The following SECISBP2L variants were observed in gnomAD, a reference collection of about 807,000 sequenced individuals.
SECISBP2L encodes selenocysteine insertion sequence-binding protein 2-like.
SECISBP2L carries 43 observed loss-of-function variants against 114.7 expected under a neutral mutation model. The observed-to-expected ratio is 0.38, with a 90% CI of 0.29 to 0.48. SECISBP2L has a LOEUF of 0.48. Among genes scored for constraint, SECISBP2L ranks in the 20% least tolerant of loss-of-function variants. The pLI is 0.98. For synonymous variants in SECISBP2L, 451 were observed against 439.7 expected (o/e 1.03, Z -0.32); for missense variants, 1,136 against 1,301.1 (o/e 0.87, Z 1.95).
rs1353645703 is a variant in SECISBP2L, at chr15:48,990,859, G to A, written c.*1385C>T. On this transcript the variant is annotated 3_prime_UTR_variant, in exon 18 of 18. Transcript: ENST00000559471. ...GTGTGCATGTGTGTGAGGGGGGTGG[G>A]GGGGACAGTTGGGGGTGGTGGGGAG... is the stretch of plus-strand genomic sequence containing the variant. 1 of 143,896 alleles carries A rather than the reference G, an allele frequency of 6.9e-6. No individual in the cohort carries two copies. Among genetic ancestry groups the A allele is most frequent in the Admixed American group, 7.0e-5 (1 of 14,348 alleles). The allele number at this position is 143,896 out of a possible 1,614,324, so 8.9% of individuals were successfully genotyped here.
chr15:49,015,525 A>G (rs1902519161), intron 11 of SECISBP2L, among the ~76,000 whole-genome samples: 1 of 152,162 alleles, frequency 6.6e-6, no homozygotes, highest in African/African-American at 2.4e-5. Flanking sequence ...AAGAAACACA[A>G]AATTCAATTT....
intron 17 of SECISBP2L, among the ~76,000 whole-genome samples, chr15:48,993,743 T>G (rs575269462): frequency 3.0e-4 from 45 of 151,960 alleles, no homozygotes; most frequent in African/African-American, 1.0e-3. Context: ...AAAAAAAGTA[T>G]TATATACTAC....
In SECISBP2L at chr15:49,016,902, G is replaced by A. The variant is rs1902547879; in HGVS notation, c.1365C>T (p.Ala455=). 6.2e-7 allele frequency: 1 copy of A among 1,613,894 alleles called. No homozygotes were observed. Among genetic ancestry groups the A allele is most frequent in the Non-Finnish European group, 8.5e-7 (1 of 1,179,974 alleles). Residue 455 remains alanine (A), a synonymous_variant, in exon 10 of 18, where the codon GCC becomes GCT. Transcript: ENST00000559471. ...CTGAATACTCTTGAGCTGTGGCAAG[G>A]GCTGCTGCTAAAGCTTTCTTCTTCT... ...KSQKKKALAA[A]LATAQEYSEI...
At chr15:49,035,212 A>T in intron 3 of SECISBP2L, 122 bp downstream of exon 3, 1 of 801,324 alleles carries the variant, frequency 1.2e-6, no homozygotes, top group Non-Finnish European at 1.9e-6. Context: ...ACCATTTTAC[A>T]ATAGTGAACA....
Position 49,046,408 on chromosome 15 carries a change from CT to C in SECISBP2L, c.-110del, listed in dbSNP as rs1757161326. 8.1e-7 allele frequency: 1 copy of C among 1,234,530 alleles called. No homozygotes were observed. Among genetic ancestry groups the C allele is most frequent in the East Asian group, 3.2e-5 (1 of 31,662 alleles). The allele number at this position is 1,234,530 out of a possible 1,614,324, so 76.5% of individuals were successfully genotyped here. On this transcript the variant is annotated 5_prime_UTR_variant, in exon 1 of 18. It adds an upstream start codon to the 5' untranslated region. Transcript: ENST00000559471. The stretch of plus-strand genomic sequence containing the variant: ...CAGACTGGGTTCCGGACCTCCGCCC[CT>C]ATCTGGCTGGCCGCGACACCGATTC...
Position 49,033,234 on chromosome 15 carries a change from G to A in SECISBP2L, c.529-134C>T, listed in dbSNP as rs1902935286. ...TATGTTCACAATTCTTGGCTTCCAT[G>A]GGGAAATAGTACTAGGGTTTCATGA... is the stretch of plus-strand genomic sequence containing the variant. On this transcript the variant is annotated intron_variant, in intron 3 of 17. Transcript: ENST00000559471. The A allele has an allele frequency of 1.4e-5, 15 of 1,058,130 alleles. 1 individual carries two copies. The East Asian group carries it at 3.4e-4, about 24-fold the overall frequency. The allele number at this position is 1,058,130 out of a possible 1,614,324, so 65.5% of individuals were successfully genotyped here.
intron 1 of SECISBP2L, among the ~76,000 whole-genome samples, chr15:49,040,531 T>A (rs1253617613): frequency 8.4e-6 from 1 of 119,672 alleles, no homozygotes; most frequent in Non-Finnish European, 1.8e-5. Context: ...ACTATTCTTT[T>A]TTTTTTTTTT....
At chr15:49,000,178 T>C (rs1902172922) in intron 15 of SECISBP2L, among the ~76,000 whole-genome samples, 191 bp from the exon 16 acceptor site, 1 of 152,216 alleles carries the variant, frequency 6.6e-6, no homozygotes, top group African/African-American at 2.4e-5. Flanking sequence ...CTTTCTCCCC[T>C]ATTAAATTCC....
chr15:48,995,701 A>C (rs1436888755), intron 17 of SECISBP2L, among the ~76,000 whole-genome samples: 1 of 152,336 alleles, frequency 6.6e-6, no homozygotes, highest in East Asian at 1.9e-4. Flanking sequence ...TATAGAAATA[A>C]GGCAAAGAAA....
chr15:49,002,122 G>A (rs898126507), intron 14 of SECISBP2L, among the ~76,000 whole-genome samples: 1 of 152,076 alleles, frequency 6.6e-6, no homozygotes, highest in South Asian at 2.1e-4. Context: ...CCAGTGTCTC[G>A]TTTCCTGACT....
chr15:49,007,084 G>A (rs957215209), intron 14 of SECISBP2L, among the ~76,000 whole-genome samples: 5 of 152,276 alleles, frequency 3.3e-5, no homozygotes, highest in Admixed American at 2.0e-4. Flanking sequence ...GTTTGCTGGA[G>A]GTCCACTCCA....
intron 13 of SECISBP2L, among the ~76,000 whole-genome samples, chr15:49,010,048 G>T (rs958907575): frequency 6.6e-6 from 1 of 151,592 alleles, no homozygotes; most frequent in Non-Finnish European, 1.5e-5. Flanking sequence ...CAGGAGAATC[G>T]CTTGAACCCG....
At position 49,028,688 on chromosome 15, in the gene SECISBP2L, A is replaced by G. The variant is rs745331097; in HGVS notation, c.665-6T>C. On this transcript the variant is annotated splice_polypyrimidine_tract_variant and splice_region_variant and intron_variant, in intron 4 of 17. Transcript: ENST00000559471. ...AGCGATATCTGATGGGAAATCTACA[A>G]AGGCAAGGAAAGTTTGACAATTCTT... The G allele has an allele frequency of 6.2e-7, 1 of 1,605,200 alleles. No homozygotes were observed. The highest frequency in any genetic ancestry group is 1.1e-5 in the South Asian group (1 of 90,926).
intron 7 of SECISBP2L, among the ~76,000 whole-genome samples, chr15:49,020,012 A>C (rs1429353452): frequency 6.6e-6 from 1 of 152,232 alleles, no homozygotes; most frequent in Admixed American, 6.5e-5. Flanking sequence ...TTATTGAAAC[A>C]ACAAAATTAG....
chr15:49,016,944 G>A lies in SECISBP2L; in HGVS notation c.1323C>T (p.Pro441=), dbSNP rs2141072358. 2 of 1,614,034 alleles carry A rather than the reference G, an allele frequency of 1.2e-6. No homozygotes were observed. Among genetic ancestry groups the A allele is most frequent in the African/African-American group, 2.7e-5 (2 of 75,036 alleles). Residue 441 remains proline, a synonymous_variant, in exon 10 of 18, where the codon CCC becomes CCT. Transcript: ENST00000559471. ...QTPIPITTSV[P]KRAKSQKKKA... ...TCTTCTTCTGACTTTTTGCACGTTT[G>A]GGAACTGAGGTGGTAATAGGAATTG...
intron 14 of SECISBP2L, among the ~76,000 whole-genome samples, chr15:49,005,775 G>A (rs1595784541): frequency 6.6e-6 from 1 of 151,962 alleles, no homozygotes; most frequent in African/African-American, 2.4e-5. Flanking sequence ...ATTGTTATGT[G>A]TGAATCTGAT....
At chr15:49,005,045 A>T (rs1902288224) in intron 14 of SECISBP2L, among the ~76,000 whole-genome samples, 1 of 152,168 alleles carries the variant, frequency 6.6e-6, no homozygotes, top group African/African-American at 2.4e-5. Context: ...GTCTCCCACT[A>T]TTGGCTGGGC....
At chr15:49,023,522 C>T (rs569752757) in intron 7 of SECISBP2L, among the ~76,000 whole-genome samples, 2 of 152,138 alleles carry the variant, frequency 1.3e-5, no homozygotes, top group Admixed American at 1.3e-4. Flanking sequence ...ATGAATTTAC[C>T]TTCTGACTCA....
chr15:49,028,083 G>A (rs750081610), intron 6 of SECISBP2L, 61 bp downstream of exon 6: 23 of 1,463,398 alleles, frequency 1.6e-5, no homozygotes, highest in Admixed American at 4.8e-5. Context: ...TGCTTAAAAG[G>A]AAAACTCTGA....
Sources: allele counts gnomAD v4.1 joint callset (sites outside exome capture counted in the v4.1 genomes callset), GRCh38; gene constraint gnomAD v4.1.1; transcripts MANE v1.5; gene names NCBI Gene and HGNC (gene_info 2026-07-23, HGNC 2026-07-21).